The following TIA1 variants were observed in gnomAD, a reference collection of about 807,000 sequenced individuals.
TIA1 encodes cytotoxic granule associated RNA binding protein TIA1.
A neutral mutation model predicts 65.9 loss-of-function variants in TIA1; 23 were observed. The ratio of observed to expected loss-of-function variants is 0.35; its 90% confidence interval spans 0.25 to 0.49. The LOEUF (loss-of-function observed/expected upper bound fraction) is 0.49, where lower values mean the gene tolerates loss of function less well. Ranked by LOEUF, TIA1 falls within the 20% of genes least tolerant of loss-of-function variation. The pLI, the probability that TIA1 is intolerant of heterozygous loss-of-function variation, is 0.98. For synonymous variants in TIA1, 147 were observed against 149.4 expected, an observed-to-expected ratio of 0.98 and a Z score of 0.12; for missense variants, 371 against 477.9, an observed-to-expected ratio of 0.78 and a Z score of 2.09.
rs943358876 is a variant in TIA1 at position 70,210,144 on chromosome 2, G to A, written c.*2575C>T. 1.9e-5 allele frequency: 3 copies of A among 157,544 alleles called. No homozygotes were observed. The highest frequency in any genetic ancestry group is 7.2e-5 in the African/African-American group (3 of 41,530). 9.8% of individuals were successfully genotyped at this position (157,544 alleles called of 1,614,324 possible). A position where few individuals can be genotyped will look rare whatever the true frequency, so the allele number is the denominator to read the frequency against. ...ATACCTGAGTGAATATAACAATATG[G>A]ATAGACCAAAAAGAAAAAAAATCTC... On this transcript the variant is annotated 3_prime_UTR_variant, in exon 13 of 13. Coordinates refer to ENST00000433529, the MANE Select transcript of TIA1 (RefSeq NM_022173.4).
Position 70,212,451 on chromosome 2 carries a change from C to CA in TIA1, c.*267dup, listed in dbSNP as rs1259967165. The stretch of plus-strand genomic sequence containing the variant: ...CCTCTTAATAGTTAAAAAGTGGCAG[C>CA]AATCCCTGCATTTGTGTTTGAAACA... On this transcript the variant is annotated 3_prime_UTR_variant, in exon 13 of 13. Coordinates refer to ENST00000433529, the MANE Select transcript of TIA1 (RefSeq NM_022173.4). 3 of 292,082 alleles carry CA rather than the reference C, an allele frequency of 1.0e-5. No individual in the cohort carries two copies. Among genetic ancestry groups the CA allele is most frequent in the Non-Finnish European group, 2.0e-5 (3 of 150,228 alleles). The allele number at this position is 292,082 out of a possible 1,614,324, so 18.1% of individuals were successfully genotyped here.
At chr2:70,226,407 A>G (rs2104344541) in intron 6 of TIA1, among the ~76,000 whole-genome samples, 1 of 152,278 alleles carries the variant, frequency 6.6e-6, no homozygotes, top group Middle Eastern at 3.4e-3. Context: ...TAGCTACTTA[A>G]TCTGTTCACA....
intron 2 of TIA1, among the ~76,000 whole-genome samples, chr2:70,233,763 C>CT (rs1687581823): frequency 7.5e-6 from 1 of 133,258 alleles, no homozygotes; most frequent in Non-Finnish European, 1.6e-5. Flanking sequence ...GAGACTCTGT[C>CT]TAAAAAAAAA....
At chr2:70,247,861 T>C (rs1000175673) in intron 1 of TIA1, among the ~76,000 whole-genome samples, 8 of 152,028 alleles carry the variant, frequency 5.3e-5, no homozygotes, top group African/African-American at 1.7e-4. Flanking sequence ...TGCTTGGCTT[T>C]TTTCCAATTG....
intron 1 of TIA1, among the ~76,000 whole-genome samples, chr2:70,241,271 C>T (rs1207150341): frequency 6.6e-6 from 1 of 152,068 alleles, no homozygotes; most frequent in Non-Finnish European, 1.5e-5. Context: ...GAAACCCCGT[C>T]TCTACTAAAA....
chr2:70,230,378 C>T (rs1011730560), intron 3 of TIA1, among the ~76,000 whole-genome samples: 2 of 151,986 alleles, frequency 1.3e-5, no homozygotes, highest in African/African-American at 2.4e-5. Flanking sequence ...CAGCCAGGCG[C>T]GGTGGCTCAC....
chr2:70,233,065 A>G (rs558863994), intron 2 of TIA1, among the ~76,000 whole-genome samples: 88 of 152,362 alleles, frequency 5.8e-4, no homozygotes, highest in African/African-American at 2.1e-3. Context: ...AGATTTGTTA[A>G]AATAAAAAAC....
chr2:70,230,849 A>T lies in TIA1; in HGVS notation c.129T>A (p.Ala43=), dbSNP rs781747532. The change falls in exon 3 of 13, where the codon GCT becomes GCA. Residue 43 remains alanine (A), a synonymous_variant. Coordinates refer to ENST00000433529, the MANE Select transcript of TIA1 (RefSeq NM_022173.4). The part of the protein sequence containing the change: ...CKNCKMIMDT[A]GNDPYCFVEF... ...CCACAAAACAATAGGGATCATTTCC[A>T]GCTGTCTGTGGGAGAAGAAACACAA... is the stretch of plus-strand genomic sequence containing the variant. 4 of 1,609,072 alleles carry T rather than the reference A, an allele frequency of 2.5e-6. No individual in the cohort carries two copies. In the East Asian group the frequency reaches 6.7e-5, roughly 27 times the overall value.
chr2:70,244,000 A>G (rs555029591), intron 1 of TIA1, among the ~76,000 whole-genome samples: 28 of 152,336 alleles, frequency 1.8e-4, no homozygotes, highest in African/African-American at 6.3e-4. Context: ...TCCTACTCAG[A>G]TAAGATAGCC....
chr2:70,226,429 T>C (rs183556925), intron 6 of TIA1, among the ~76,000 whole-genome samples: 1 of 152,114 alleles, frequency 6.6e-6, no homozygotes, highest in Non-Finnish European at 1.5e-5. Flanking sequence ...TGTTAGAAAA[T>C]TTTTTCTTCT....
intron 2 of TIA1, among the ~76,000 whole-genome samples, chr2:70,235,350 G>A (rs113052374): frequency 2.0e-5 from 3 of 152,256 alleles, no homozygotes; most frequent in African/African-American, 7.2e-5. Flanking sequence ...GGGAGGCGGA[G>A]GTTGCAGCGA....
rs1218600173 is a variant in TIA1, at chr2:70,211,818, C to T, written c.*901G>A. The T allele has an allele frequency of 6.6e-6, 1 of 152,496 alleles. No individual in the cohort carries two copies. The highest frequency in any genetic ancestry group is 2.4e-5 in the African/African-American group (1 of 41,400). 9.4% of individuals were successfully genotyped at this position (152,496 alleles called of 1,614,324 possible). A position where few individuals can be genotyped will look rare whatever the true frequency, so the allele number is the denominator to read the frequency against. On this transcript the variant is annotated 3_prime_UTR_variant, in exon 13 of 13. Coordinates refer to ENST00000433529, the MANE Select transcript of TIA1 (RefSeq NM_022173.4). ...GCTAACTGTGCAAAATATTAAATTG[C>T]TAAAACATTTTACATAATGAAATAA...
At chr2:70,237,360 C>T (rs1689430794) in intron 1 of TIA1, among the ~76,000 whole-genome samples, 1 of 151,900 alleles carries the variant, frequency 6.6e-6, no homozygotes, top group African/African-American at 2.4e-5. Context: ...GAGGTTGCAC[C>T]ACTGCACTCC....
At chr2:70,226,179 TG>T (rs1438177287) in intron 6 of TIA1, among the ~76,000 whole-genome samples, 1 of 151,980 alleles carries the variant, frequency 6.6e-6, no homozygotes, top group Non-Finnish European at 1.5e-5. Context: ...CCAATAATCA[TG>T]GGACCATAAG....
chr2:70,238,982 T>A (rs1199263136), intron 1 of TIA1, among the ~76,000 whole-genome samples: 1 of 152,130 alleles, frequency 6.6e-6, no homozygotes, highest in Non-Finnish European at 1.5e-5. Flanking sequence ...GGTGGGAAGA[T>A]CACTTGAACC....
At chr2:70,214,629 T>A (rs1677753211) in intron 11 of TIA1, 135 bp from the exon 12 acceptor site, 1 of 537,336 alleles carries the variant, frequency 1.9e-6, no homozygotes, top group Non-Finnish European at 2.8e-6. Flanking sequence ...AAGAGTTGAC[T>A]GCTAAAAAAA....
Position 70,211,624 on chromosome 2 carries a change from C to T in TIA1, c.*1095G>A, listed in dbSNP as rs1467900504. ...TAGAAAACGGCAAATTAATATATTC[C>T]TTTACATACAACTTTGTGTCTCAAA... On this transcript the variant is annotated 3_prime_UTR_variant, in exon 13 of 13. Coordinates refer to ENST00000433529, the MANE Select transcript of TIA1 (RefSeq NM_022173.4). 2 of 152,506 alleles carry T rather than the reference C, an allele frequency of 1.3e-5. No individual in the cohort carries two copies. The highest frequency in any genetic ancestry group is 2.9e-5 in the Non-Finnish European group (2 of 68,020). 9.4% of individuals were successfully genotyped at this position (152,506 alleles called of 1,614,324 possible). A position where few individuals can be genotyped will look rare whatever the true frequency, so the allele number is the denominator to read the frequency against.
In TIA1 at chr2:70,245,816, C is replaced by T. The variant is rs149624175; in HGVS notation, c.26+2589G>A. On this transcript the variant is annotated intron_variant, in intron 1 of 12. Transcript: ENST00000433529. ...TCAGATGTAGCAAATGAAGGAATTT[C>T]CAGTGAGCCATTTAGGTATGTGGGT... Among the ~76,000 whole-genome samples the T allele has an allele frequency of 9.8e-3, 1,489 of 152,100 alleles. 18 individuals are homozygous for T. The highest frequency in any genetic ancestry group is 0.021 in the Middle Eastern group (6 of 292).
intron 10 of TIA1, chr2:70,216,007 C>T (rs1471078757): frequency 1.1e-5 from 6 of 536,632 alleles, no homozygotes; most frequent in African/African-American, 9.9e-5. Flanking sequence ...CCGTCTCGGC[C>T]TCCCAAAGTG....
Sources: gnomAD v4.1 joint callset for allele counts (sites outside exome capture counted in the v4.1 genomes callset) on GRCh38, gnomAD v4.1.1 for gene constraint, MANE v1.5 for transcripts, NCBI Gene and HGNC (gene_info 2026-07-23, HGNC 2026-07-21) for gene names.